Variants in TRABD2B observed in about 807,000 individuals in gnomAD.
TRABD2B encodes the protein metalloprotease TIKI2.
A neutral mutation model predicts 40.1 loss-of-function variants in TRABD2B; 14 were observed. The observed-to-expected ratio is 0.35, with a 90% CI of 0.23 to 0.55. TRABD2B has a LOEUF of 0.55. TRABD2B is among the 20% of genes least tolerant of loss of function. The probability of loss-of-function intolerance (pLI) is 0.90; values close to 1 mark genes in which losing one functional copy is unlikely to be tolerated. For missense variants in TRABD2B, 541 were observed against 648.6 expected (o/e 0.83, Z 1.80); for synonymous variants, 263 against 277.0 (o/e 0.95, Z 0.50).
At chr1:47,779,931 C>T (rs1644498633) in intron 4 of TRABD2B, among the ~76,000 whole-genome samples, 2 of 152,294 alleles carry the variant, frequency 1.3e-5, no homozygotes, top group South Asian at 2.1e-4. Context: ...GATGCTCTGG[C>T]AGAGGAAGCC....
intron 2 of TRABD2B, among the ~76,000 whole-genome samples, chr1:47,921,636 AG>A (rs1644902731): frequency 6.6e-6 from 1 of 152,208 alleles, no homozygotes; most frequent in Admixed American, 6.5e-5. Context: ...CTGATAATGC[AG>A]GGCTCAGCAA....
At chr1:47,978,217 A>G (rs1645787075) in intron 2 of TRABD2B, among the ~76,000 whole-genome samples, 1 of 152,166 alleles carries the variant, frequency 6.6e-6, no homozygotes, top group East Asian at 1.9e-4. Flanking sequence ...TGCCATGTAA[A>G]TACACAGAGA....
chr1:47,916,545 C>A (rs567348143), intron 2 of TRABD2B, among the ~76,000 whole-genome samples: 2 of 152,276 alleles, frequency 1.3e-5, no homozygotes, highest in East Asian at 3.9e-4. Context: ...AAGCACTTTG[C>A]CAAATCTTGG....
At chr1:47,912,584 G>C (rs1219435499) in intron 2 of TRABD2B, among the ~76,000 whole-genome samples, 1 of 152,210 alleles carries the variant, frequency 6.6e-6, no homozygotes. Flanking sequence ...ATGTGTTCTA[G>C]TGGAAAAACA....
At chr1:47,990,775 A>T (rs1246806154) in intron 2 of TRABD2B, among the ~76,000 whole-genome samples, 5 of 3,124 alleles carry the variant, frequency 1.6e-3, no homozygotes, top group Non-Finnish European at 3.4e-3. Flanking sequence ...TTGGTTTTAT[A>T]TATATATATA....
At chr1:47,780,121 C>G (rs374633899) in intron 4 of TRABD2B, among the ~76,000 whole-genome samples, 1 of 152,170 alleles carries the variant, frequency 6.6e-6, no homozygotes, top group African/African-American at 2.4e-5. Flanking sequence ...CCTGGCTGAC[C>G]ATGCCTGACT....
intron 2 of TRABD2B, among the ~76,000 whole-genome samples, chr1:47,904,256 C>T (rs575626200): frequency 2.0e-3 from 306 of 152,028 alleles, no homozygotes; most frequent in Admixed American, 7.4e-3. Context: ...GTCTTGGAGG[C>T]CATTAAAAGA....
chr1:47,850,133 G>A (rs1357085946), intron 2 of TRABD2B, among the ~76,000 whole-genome samples: 1 of 152,240 alleles, frequency 6.6e-6, no homozygotes, highest in Non-Finnish European at 1.5e-5. Context: ...GGCCTGCATA[G>A]GAGGTGTGGC....
chr1:47,772,204 C>T (rs1644386067), intron 6 of TRABD2B, among the ~76,000 whole-genome samples: 1 of 152,034 alleles, frequency 6.6e-6, no homozygotes, highest in South Asian at 2.1e-4. Context: ...GAGTCTGTTT[C>T]CTCTGGTATA....
intron 2 of TRABD2B, among the ~76,000 whole-genome samples, chr1:47,858,461 G>A (rs1643921215): frequency 6.6e-6 from 1 of 152,032 alleles, no homozygotes; most frequent in South Asian, 2.1e-4. Flanking sequence ...GTCTTGCTAT[G>A]TTGCCCAGGC....
intron 2 of TRABD2B, among the ~76,000 whole-genome samples, chr1:47,988,783 G>T (rs572830016): frequency 6.6e-6 from 1 of 152,318 alleles, no homozygotes; most frequent in Non-Finnish European, 1.5e-5. Flanking sequence ...GCTCTCATGG[G>T]ACAAAGGGGG....
At chr1:47,805,208 G>A (rs377510861) in intron 2 of TRABD2B, among the ~76,000 whole-genome samples, 2 of 151,894 alleles carry the variant, frequency 1.3e-5, no homozygotes, top group East Asian at 3.9e-4. Context: ...TGGATTTCCA[G>A]ATGTCCACAG....
intron 2 of TRABD2B, among the ~76,000 whole-genome samples, chr1:47,957,752 C>T (rs925201185): frequency 2.6e-4 from 40 of 152,228 alleles, no homozygotes; most frequent in South Asian, 8.3e-4. Flanking sequence ...CTGAAAGTGA[C>T]GGGGAGAATG....
intron 2 of TRABD2B, among the ~76,000 whole-genome samples, chr1:47,841,147 A>G (rs1363690413): frequency 6.6e-6 from 1 of 152,034 alleles, no homozygotes; most frequent in Non-Finnish European, 1.5e-5. Flanking sequence ...AACTCATTTA[A>G]TCTCTCTCTG....
chr1:47,950,961 GT>G (rs1180403803), intron 2 of TRABD2B, among the ~76,000 whole-genome samples: 1 of 152,220 alleles, frequency 6.6e-6, no homozygotes, highest in African/African-American at 2.4e-5. Context: ...AGAGAAGAGG[GT>G]TTCATTTCCG....
At chr1:47,971,488 T>TA (rs772807567) in intron 2 of TRABD2B, among the ~76,000 whole-genome samples, 12 of 152,154 alleles carry the variant, frequency 7.9e-5, no homozygotes, top group Non-Finnish European at 1.5e-4. Context: ...ACCAAACAGG[T>TA]AAAGGCCCAA....
At chr1:47,791,731 T>C (rs1328974035) in intron 4 of TRABD2B, among the ~76,000 whole-genome samples, 1 of 152,136 alleles carries the variant, frequency 6.6e-6, no homozygotes, top group South Asian at 2.1e-4. Context: ...ACTCAGAAAT[T>C]ACATGATCAT....
intron 2 of TRABD2B, among the ~76,000 whole-genome samples, chr1:47,903,547 T>C (rs557022380): frequency 9.9e-5 from 15 of 151,944 alleles, no homozygotes; most frequent in Admixed American, 2.0e-4. Context: ...GGGGTGAAGA[T>C]TGTGTGAGGA....
intron 3 of TRABD2B, among the ~76,000 whole-genome samples, chr1:47,800,271 T>A (rs1644804479): frequency 6.6e-6 from 1 of 151,698 alleles, no homozygotes; most frequent in Non-Finnish European, 1.5e-5. Flanking sequence ...AGGGTGAGAG[T>A]GTGGTCATGC....
Sources: allele counts gnomAD v4.1 joint callset (sites outside exome capture counted in the v4.1 genomes callset), GRCh38; gene constraint gnomAD v4.1.1; transcripts MANE v1.5; gene names NCBI Gene and HGNC (gene_info 2026-07-23, HGNC 2026-07-21).